JMJD1C: variants seen among roughly 807,000 people sequenced by gnomAD.
JMJD1C encodes the protein jumonji domain containing 1C.
Under a neutral mutation model 245.3 loss-of-function variants are expected in JMJD1C, and 31 were observed. The ratio of observed to expected loss-of-function variants is 0.13; its 90% CI spans 0.09 to 0.17. The LOEUF (loss-of-function observed/expected upper bound fraction) is 0.17, where lower values mean the gene tolerates loss of function less well. Ranked by LOEUF, JMJD1C falls within the 10% of genes least tolerant of loss-of-function variation. The pLI, the probability that JMJD1C is intolerant of heterozygous loss-of-function variation, is 1.00. For synonymous variants in JMJD1C, 1,057 were observed against 1,017.4 expected (o/e 1.04, Z -0.74); for missense variants, 2,691 against 3,000.2 (o/e 0.90, Z 2.41).
intron 1 of JMJD1C, among the ~76,000 whole-genome samples, chr10:63,454,891 T>C (rs1373297541): frequency 1.3e-5 from 2 of 152,236 alleles, no homozygotes; most frequent in African/African-American, 4.8e-5. Flanking sequence ...TGTCAGAATC[T>C]AGAAGCTTCA....
chr10:63,206,799 A>G lies in JMJD1C; in HGVS notation c.4870T>C (p.Ser1624Pro). 1.9e-6 allele frequency: 3 copies of G among 1,604,744 alleles called. No homozygotes were observed. The highest frequency in any genetic ancestry group is 2.2e-5 in the East Asian group (1 of 44,814). ...NRRKAKRTYE[S>P]GSESGDSDES... ...TCTGAGTCTCCACTTTCAGAGCCAG[A>G]TTCATAAGTTCTTTTGGCTTTTCTC... The change falls in exon 10 of 26, where the codon TCT becomes CCT. Residue 1624 changes from serine to proline, a missense_variant. Ser to Pro is a moderately conservative substitution (Grantham distance 74). Coordinates refer to ENST00000399262, the MANE Select transcript of JMJD1C (RefSeq NM_032776.3).
At chr10:63,181,788 G>A (rs1164050022) in intron 22 of JMJD1C, among the ~76,000 whole-genome samples, 3 of 152,154 alleles carry the variant, frequency 2.0e-5, no homozygotes, top group Non-Finnish European at 4.4e-5. Flanking sequence ...AGTGCTACAG[G>A]GAAAGATCTG....
chr10:63,402,532 G>A (rs1485730952), intron 1 of JMJD1C, among the ~76,000 whole-genome samples: 10 of 152,114 alleles, frequency 6.6e-5, no homozygotes, highest in Non-Finnish European at 1.3e-4. Flanking sequence ...TCAAGTAGCT[G>A]TTTTCTTCAT....
intron 1 of JMJD1C, among the ~76,000 whole-genome samples, chr10:63,510,041 C>T (rs983669695): frequency 3.3e-5 from 5 of 150,226 alleles, no homozygotes; most frequent in Non-Finnish European, 5.9e-5. Context: ...CTCACTCTGT[C>T]GCCCAGGCTA....
At chr10:63,512,478 AGGTGGTG>A (rs1954899901) in intron 1 of JMJD1C, among the ~76,000 whole-genome samples, 1 of 152,158 alleles carries the variant, frequency 6.6e-6, no homozygotes, top group African/African-American at 2.4e-5. Flanking sequence ...ATAAAATTCT[AGGTGGTG>A]GGCTTCTTTC....
intron 1 of JMJD1C, among the ~76,000 whole-genome samples, chr10:63,393,971 G>A (rs928644709): frequency 9.9e-5 from 15 of 152,042 alleles, no homozygotes; most frequent in Non-Finnish European, 1.3e-4. Flanking sequence ...ACCTGAGGTC[G>A]AGAGGAGTTC....
chr10:63,220,903 T>C (rs1478610849), intron 3 of JMJD1C, among the ~76,000 whole-genome samples: 1 of 152,026 alleles, frequency 6.6e-6, no homozygotes, highest in Admixed American at 6.6e-5. Context: ...GGTCAGGAGA[T>C]CGAGACCATC....
chr10:63,184,780 C>T, intron 20 of JMJD1C, 42 bp from the exon 21 acceptor site: 1 of 1,552,692 alleles, frequency 6.4e-7, no homozygotes, highest in Non-Finnish European at 8.8e-7. Flanking sequence ...TAAAGATTTG[C>T]ATTGCTAAGT....
chr10:63,431,870 G>A (rs1178835443), intron 1 of JMJD1C, among the ~76,000 whole-genome samples: 1 of 152,156 alleles, frequency 6.6e-6, no homozygotes, highest in Non-Finnish European at 1.5e-5. Flanking sequence ...AAATTAGCTG[G>A]GCATGGTGGT....
intron 1 of JMJD1C, among the ~76,000 whole-genome samples, chr10:63,423,310 C>T (rs1950241521): frequency 1.3e-5 from 2 of 152,108 alleles, no homozygotes; most frequent in African/African-American, 4.8e-5. Flanking sequence ...ATCCATTAAG[C>T]AATAACTCCT....
intron 2 of JMJD1C, among the ~76,000 whole-genome samples, chr10:63,316,815 T>A (rs573497195): frequency 6.6e-6 from 1 of 152,238 alleles, no homozygotes; most frequent in African/African-American, 2.4e-5. Flanking sequence ...TTGATCAAGT[T>A]AAGGTATTTA....
chr10:63,177,685 G>A, intron 23 of JMJD1C, 32 bp downstream of exon 23: 2 of 1,608,856 alleles, frequency 1.2e-6, no homozygotes, highest in Non-Finnish European at 8.5e-7. Flanking sequence ...TTGCTTGAGG[G>A]GAAGAGATAT....
chr10:63,264,157 G>C (rs138399563), intron 3 of JMJD1C, among the ~76,000 whole-genome samples: 1 of 151,882 alleles, frequency 6.6e-6, no homozygotes, highest in African/African-American at 2.4e-5. Flanking sequence ...AAATGTATTT[G>C]TATTTAAATT....
chr10:63,249,653 G>A (rs1589282427), intron 3 of JMJD1C, among the ~76,000 whole-genome samples: 1 of 152,262 alleles, frequency 6.6e-6, no homozygotes, highest in East Asian at 1.9e-4. Flanking sequence ...AAGGTCAGGA[G>A]TTCCAGACCA....
intron 2 of JMJD1C, among the ~76,000 whole-genome samples, chr10:63,292,636 A>G (rs773811462): frequency 1.3e-5 from 2 of 152,086 alleles, no homozygotes; most frequent in African/African-American, 2.4e-5. Context: ...AAACAGGACA[A>G]TCATCACATC....
At chr10:63,295,957 A>ATGTGTG (rs1234597751) in intron 2 of JMJD1C, among the ~76,000 whole-genome samples, 6 of 94,542 alleles carry the variant, frequency 6.3e-5, no homozygotes, top group East Asian at 2.5e-4. Context: ...ATATACACGT[A>ATGTGTG]TATGTGTGTG....
At chr10:63,358,397 G>GT (rs987666310) in intron 2 of JMJD1C, among the ~76,000 whole-genome samples, 6 of 141,002 alleles carry the variant, frequency 4.3e-5, no homozygotes, top group East Asian at 1.9e-4. Flanking sequence ...AAGAAATGGG[G>GT]TAAAAAAAAA....
At chr10:63,454,257 A>ATTTTTTTT (rs112838462) in intron 1 of JMJD1C, among the ~76,000 whole-genome samples, 1 of 146,066 alleles carries the variant, frequency 6.8e-6, no homozygotes, top group African/African-American at 2.5e-5. Context: ...GGAGAAATTG[A>ATTTTTTTT]TTTTTTTTTT....
At chr10:63,496,176 G>A (rs1242063775) in intron 1 of JMJD1C, among the ~76,000 whole-genome samples, 1 of 151,432 alleles carries the variant, frequency 6.6e-6, no homozygotes, top group African/African-American at 2.4e-5. Context: ...GCAAAATCAA[G>A]ACTGAGGAAA....
Sources: gnomAD v4.1 joint callset for allele counts (sites outside exome capture counted in the v4.1 genomes callset) on GRCh38, gnomAD v4.1.1 for gene constraint, MANE v1.5 for transcripts, NCBI Gene and HGNC (gene_info 2026-07-23, HGNC 2026-07-21) for gene names.